SP100: variants seen among roughly 807,000 people sequenced by gnomAD.
SP100 encodes the protein nuclear autoantigen Sp-100.
A neutral mutation model predicts 130.0 loss-of-function variants in SP100; 84 were observed. That is an observed-to-expected ratio of 0.65 (90% CI 0.54 to 0.77). The LOEUF is 0.77. Ranked by LOEUF, SP100 falls within the 30% of genes least tolerant of loss-of-function variation. The pLI, the probability that SP100 is intolerant of heterozygous loss-of-function variation, is 0.00. For missense variants in SP100, 978 were observed against 1,052.2 expected, an observed-to-expected ratio of 0.93 and a Z score of 0.97; for synonymous variants, 331 against 351.7, an observed-to-expected ratio of 0.94 and a Z score of 0.66.
intron 17 of SP100, among the ~76,000 whole-genome samples, chr2:230,482,812 A>G (rs1280175161): frequency 6.6e-6 from 1 of 152,208 alleles, no homozygotes; most frequent in Non-Finnish European, 1.5e-5. Context: ...TAACGTATTA[A>G]TATCAGGTAG....
intron 2 of SP100, among the ~76,000 whole-genome samples, chr2:230,419,194 T>C (rs146299689): frequency 6.6e-6 from 1 of 152,362 alleles, no homozygotes; most frequent in East Asian, 1.9e-4. Flanking sequence ...TTTTACTTTC[T>C]GAGATTTCAG....
rs76317582 is a variant in SP100, at chr2:230,490,686, G to A, written c.1601-3730G>A. 7.4e-3 allele frequency among the ~76,000 whole-genome samples: 1,131 copies of A among 152,266 alleles called. 17 individuals carry two copies. Among genetic ancestry groups the A allele is most frequent in the African/African-American group, 0.026 (1,073 of 41,546 alleles). On this transcript the variant is annotated intron_variant, in intron 17 of 28. Transcript: ENST00000340126. ...GAGCTCTTGCAAGGCAGGCCTAGTAGTAACAAAATCCCTCAGCATTTGCTT... is the reference window on the plus strand; with the variant it reads ...GAGCTCTTGCAAGGCAGGCCTAGTAATAACAAAATCCCTCAGCATTTGCTT...
intron 9 of SP100, among the ~76,000 whole-genome samples, chr2:230,462,028 CAGAG>C (rs2064680448): frequency 1.3e-5 from 2 of 149,184 alleles, no homozygotes; most frequent in Non-Finnish European, 3.0e-5. Flanking sequence ...AAAAAAAAAT[CAGAG>C]AGCCAAGATA....
chr2:230,434,927 A>G (rs979376916), intron 2 of SP100, among the ~76,000 whole-genome samples: 4 of 152,226 alleles, frequency 2.6e-5, no homozygotes, highest in Non-Finnish European at 4.4e-5. Context: ...CAGTGTAAGG[A>G]TCTGGCTTTC....
rs768667368 is a variant in SP100 at position 230,442,991 on chromosome 2, C to A, written c.162C>A (p.Phe54Leu). ...ACAGGCTGCTCTATGACATTGTATT[C>A]AAGCACTTCAAAAGAAATAAGGTGG... ...VDDRLLYDIV[F>L]KHFKRNKVEI... Residue 54 changes from phenylalanine (F) to leucine (L), a missense_variant, in exon 3 of 29, where the codon TTC (phenylalanine) becomes TTA (leucine). Coordinates refer to ENST00000340126, the MANE Select transcript of SP100 (RefSeq NM_001080391.2). The A allele has an allele frequency of 5.6e-6, 9 of 1,613,262 alleles. No homozygotes were observed. Among genetic ancestry groups the A allele is most frequent in the Non-Finnish European group, 7.6e-6 (9 of 1,179,610 alleles).
intron 2 of SP100, among the ~76,000 whole-genome samples, chr2:230,436,622 C>A (rs1437353280): frequency 6.6e-6 from 1 of 152,182 alleles, no homozygotes; most frequent in South Asian, 2.1e-4. Context: ...GTCAATTAAA[C>A]CTCTTTCCTT....
chr2:230,534,382 G>C (rs1691836479), intron 24 of SP100, among the ~76,000 whole-genome samples: 1 of 152,198 alleles, frequency 6.6e-6, no homozygotes, highest in Non-Finnish European at 1.5e-5. Context: ...TTCCAGCCTG[G>C]GTGACAGAGC....
At chr2:230,513,518 TA>T (rs34365039) in intron 24 of SP100, among the ~76,000 whole-genome samples, 85,014 of 148,240 alleles carry the variant, frequency 0.57, 26,704 homozygotes, top group South Asian at 0.75. Context: ...CCTTTTTGAT[TA>T]AAAAAAAAAA....
chr2:230,463,877 G>C, intron 10 of SP100, 190 bp from the exon 11 acceptor site: 1 of 425,826 alleles, frequency 2.3e-6, no homozygotes, highest in Non-Finnish European at 4.3e-6. Flanking sequence ...TTCCCTCTGG[G>C]GACAAGAATG....
chr2:230,542,967 C>A lies in SP100; in HGVS notation c.*21C>A. The A allele has an allele frequency of 7.4e-7, 1 of 1,343,848 alleles. No individual in the cohort carries two copies. The highest frequency in any genetic ancestry group is 1.1e-6 in the Non-Finnish European group (1 of 937,202). The allele number at this position is 1,343,848 out of a possible 1,614,324, so 83.2% of individuals were successfully genotyped here. ...TTTAGCCATTCTTATCTCCTCCCTT[C>A]AGATCCTCTGGCAGCTAGCTACGCA... is the stretch of plus-strand genomic sequence containing the variant. On this transcript the variant is annotated 3_prime_UTR_variant, in exon 29 of 29. Transcript: ENST00000340126.
At chr2:230,477,027 G>A (rs1038642896) in intron 17 of SP100, among the ~76,000 whole-genome samples, 16 of 151,922 alleles carry the variant, frequency 1.1e-4, no homozygotes, top group Non-Finnish European at 1.0e-4. Context: ...CACCACACCC[G>A]GCTAATTTTT....
intron 8 of SP100, among the ~76,000 whole-genome samples, chr2:230,456,838 A>G (rs1274808887): frequency 6.6e-6 from 1 of 152,136 alleles, no homozygotes; most frequent in African/African-American, 2.4e-5. Flanking sequence ...ATTGTTTCCT[A>G]TATTTTCTTA....
chr2:230,505,907 G>A (rs1690056210), intron 21 of SP100, among the ~76,000 whole-genome samples: 1 of 152,162 alleles, frequency 6.6e-6, no homozygotes, highest in Admixed American at 6.6e-5. Context: ...GCATGGTAGA[G>A]GGCTTTATGC....
At chr2:230,485,791 A>C (rs1055059854) in intron 17 of SP100, among the ~76,000 whole-genome samples, 2 of 152,318 alleles carry the variant, frequency 1.3e-5, no homozygotes, top group African/African-American at 4.8e-5. Context: ...TAAGTGAGTT[A>C]AGCCCATTTA....
At chr2:230,427,255 G>A (rs1031556095) in intron 2 of SP100, among the ~76,000 whole-genome samples, 5 of 151,894 alleles carry the variant, frequency 3.3e-5, no homozygotes, top group Admixed American at 6.6e-5. Context: ...TCTGCCTCCC[G>A]GGTTCAAGCA....
chr2:230,450,104 C>T (rs2063900753), intron 7 of SP100, 68 bp from the exon 8 acceptor site: 2 of 1,146,018 alleles, frequency 1.7e-6, no homozygotes. Flanking sequence ...AGGGTGAGGT[C>T]TAACCAAATG....
chr2:230,522,078 C>T (rs1249117094), intron 24 of SP100, among the ~76,000 whole-genome samples: 3 of 152,060 alleles, frequency 2.0e-5, no homozygotes, highest in Admixed American at 6.6e-5. Context: ...GTGTTCATTG[C>T]AGGTACCAGA....
chr2:230,511,092 A>G (rs774141237), intron 23 of SP100, 33 bp from the exon 24 acceptor site: 2 of 1,481,580 alleles, frequency 1.3e-6, no homozygotes, highest in Non-Finnish European at 1.9e-6. Context: ...ATCACACTCA[A>G]TATTGTACCA....
At chr2:230,533,368 T>C (rs1369875360) in intron 24 of SP100, among the ~76,000 whole-genome samples, 1 of 152,198 alleles carries the variant, frequency 6.6e-6, no homozygotes, top group Non-Finnish European at 1.5e-5. Flanking sequence ...ACCTAAATAC[T>C]TTAATACAAT....
Sources: allele counts gnomAD v4.1 joint callset (sites outside exome capture counted in the v4.1 genomes callset), GRCh38; gene constraint gnomAD v4.1.1; transcripts MANE v1.5; gene names NCBI Gene and HGNC (gene_info 2026-07-23, HGNC 2026-07-21).